Variants in CNNM4 observed in about 807,000 individuals in gnomAD.
The protein encoded by CNNM4 is metal transporter CNNM4.
In CNNM4, 32 loss-of-function variants were observed where a neutral mutation model predicts 53.7. That is an observed-to-expected ratio of 0.60 (90% CI 0.45 to 0.80). CNNM4 has a LOEUF of 0.80. Among genes scored for constraint, CNNM4 ranks in the 30% least tolerant of loss-of-function variants. The pLI, the probability that CNNM4 is intolerant of heterozygous loss-of-function variation, is 0.00. For synonymous variants in CNNM4, 410 were observed against 440.0 expected (o/e 0.93, Z 0.85); for missense variants, 784 against 1,022.0 (o/e 0.77, Z 3.17).
At chr2:96,762,930 C>T (rs979155337) in intron 1 of CNNM4, among the ~76,000 whole-genome samples, 1 of 152,010 alleles carries the variant, frequency 6.6e-6, no homozygotes, top group Non-Finnish European at 1.5e-5. Flanking sequence ...GGTATAGTGG[C>T]TCTGATGCTT....
chr2:96,775,350 T>C (rs1017648676), intron 1 of CNNM4, among the ~76,000 whole-genome samples: 3 of 152,208 alleles, frequency 2.0e-5, no homozygotes, highest in African/African-American at 7.2e-5. Flanking sequence ...TTCTGCTGAA[T>C]GTTAAGGGTC....
In CNNM4 at chr2:96,800,192, G is replaced by A. The variant is rs1413669123; in HGVS notation, c.1948+544G>A. Among the ~76,000 whole-genome samples the A allele has an allele frequency of 2.0e-5, 3 of 152,036 alleles. No homozygotes were observed. The highest frequency in any genetic ancestry group is 1.3e-4 in the Admixed American group (2 of 15,272). ...TGGGCACCCTCCGAGAGGTGTTATGGAAGGTCCGGGGATGCGCCACTCTGG... is the reference window on the plus strand; with the variant it reads ...TGGGCACCCTCCGAGAGGTGTTATGAAAGGTCCGGGGATGCGCCACTCTGG... On this transcript the variant is annotated intron_variant, in intron 5 of 6. Transcript: ENST00000377075. This position sits in a 1 kb window ranked among gnomAD's most constrained non-coding sequence, Gnocchi z 4.6.
rs533793055 is a variant in CNNM4 at position 96,801,879 on chromosome 2, C to T, written c.1948+2231C>T. Among the ~76,000 whole-genome samples, 598 of 151,696 alleles carry T rather than the reference C, an allele frequency of 3.9e-3. 8 individuals are homozygous for T. Among genetic ancestry groups the T allele is most frequent in the Admixed American group, 0.012 (181 of 15,234 alleles). On this transcript the variant is annotated intron_variant, in intron 5 of 6. Transcript: ENST00000377075. This position sits in a 1 kb window ranked among gnomAD's most constrained non-coding sequence, Gnocchi z 5.6. ...ACAGAGGCATACACAGAGAAACACC[C>T]GTAGACACACCAGGATACACATACA...
intron 1 of CNNM4, among the ~76,000 whole-genome samples, chr2:96,773,715 T>C (rs1417728232): frequency 6.6e-6 from 1 of 151,892 alleles, no homozygotes; most frequent in Non-Finnish European, 1.5e-5. Context: ...CGGTGGCGTG[T>C]GCCTGTAGTC....
At chr2:96,798,058 T>C (rs549633567) in intron 3 of CNNM4, among the ~76,000 whole-genome samples, 14 of 151,980 alleles carry the variant, frequency 9.2e-5, no homozygotes, top group Non-Finnish European at 1.9e-4. Flanking sequence ...GGTGGTGCCC[T>C]CCTGTAGTCC....
At chr2:96,809,186 G>C (rs949119890) in intron 6 of CNNM4, 134 bp from the exon 7 acceptor site, 1 of 1,534,446 alleles carries the variant, frequency 6.5e-7, no homozygotes, top group South Asian at 1.2e-5. Flanking sequence ...TTCTTTGTAA[G>C]GGCTTCCAGA....
chr2:96,768,894 A>G (rs1180453417), intron 1 of CNNM4, among the ~76,000 whole-genome samples: 1 of 152,220 alleles, frequency 6.6e-6, no homozygotes, highest in Non-Finnish European at 1.5e-5. Context: ...CTAGGCAGGC[A>G]TGCAGGGGAA....
In CNNM4 at chr2:96,761,653, G is replaced by T; in HGVS notation, c.654G>T (p.Gln218His). 1.2e-6 allele frequency: 2 copies of T among 1,612,814 alleles called. No homozygotes were observed. Reference sequence around the variant, plus strand: ...ACCCCATGGAGCTGCGCATCGTGCAGAACTGTGGCACCGAGAAGGAGAGGC... The same window carrying T: ...ACCCCATGGAGCTGCGCATCGTGCATAACTGTGGCACCGAGAAGGAGAGGC... Reference protein sequence around the residue: ...ALDPMELRIVQNCGTEKERRY... With the variant: ...ALDPMELRIVHNCGTEKERRY... Residue 218 changes from glutamine (Q) to histidine (H), a missense_variant, in exon 1 of 7, where the codon CAG (glutamine) becomes CAT (histidine). Coordinates refer to ENST00000377075, the MANE Select transcript of CNNM4 (RefSeq NM_020184.4). The surrounding 1 kb of genome is among the most constrained non-coding windows in gnomAD (Gnocchi z 6.0).
chr2:96,803,299 C>T (rs2079174495), intron 5 of CNNM4, among the ~76,000 whole-genome samples: 1 of 152,158 alleles, frequency 6.6e-6, no homozygotes, highest in Non-Finnish European at 1.5e-5. Context: ...ACGCTTTATG[C>T]ATATTCATGG....
intron 1 of CNNM4, among the ~76,000 whole-genome samples, chr2:96,780,234 T>C (rs1397100385): frequency 6.6e-6 from 1 of 152,180 alleles, no homozygotes; most frequent in Non-Finnish European, 1.5e-5. Context: ...TATTCCTAGT[T>C]ATTTGGTGAT....
In CNNM4 at chr2:96,801,673, C is replaced by G. The variant is rs564520637; in HGVS notation, c.1948+2025C>G. 6.5e-3 allele frequency among the ~76,000 whole-genome samples: 970 copies of G among 148,294 alleles called. 6 individuals are homozygous for G. The highest frequency in any genetic ancestry group is 0.024 in the African/African-American group (935 of 39,722). ...CAGAGAGACCACACACACACACACA[C>G]AGAGACCACACGCAGAGAGACCACA... On this transcript the variant is annotated intron_variant, in intron 5 of 6. Transcript: ENST00000377075. The surrounding 1 kb of genome is among the most constrained non-coding windows in gnomAD (Gnocchi z 5.6).
In CNNM4 at chr2:96,809,803, A is replaced by T. The variant is rs532504125; in HGVS notation, c.*286A>T. 87 of 346,688 alleles carry T rather than the reference A, an allele frequency of 2.5e-4. No individual in the cohort carries two copies. Among genetic ancestry groups the T allele is most frequent in the Non-Finnish European group, 3.6e-4 (69 of 190,610 alleles). The allele number at this position is 346,688 out of a possible 1,614,324, so 21.5% of individuals were successfully genotyped here. A position where few individuals can be genotyped will look rare whatever the true frequency, so the allele number is the denominator to read the frequency against. The stretch of plus-strand genomic sequence containing the variant: ...TAAAGTAGGCTCATCACTTTTTTTT[A>T]AATATCATTTTGGGAAGGGAAGACA... On this transcript the variant is annotated 3_prime_UTR_variant, in exon 7 of 7. Coordinates refer to ENST00000377075, the MANE Select transcript of CNNM4 (RefSeq NM_020184.4).
intron 1 of CNNM4, among the ~76,000 whole-genome samples, chr2:96,770,384 A>G (rs2153344772): frequency 6.6e-6 from 1 of 152,348 alleles, no homozygotes; most frequent in Middle Eastern, 3.4e-3. Context: ...GAATGGCCCT[A>G]CAGGATCAGC....
intron 1 of CNNM4, among the ~76,000 whole-genome samples, chr2:96,776,174 C>T (rs1014404877): frequency 1.3e-5 from 2 of 150,316 alleles, no homozygotes; most frequent in African/African-American, 2.5e-5. Flanking sequence ...GACCACAGGC[C>T]GCACACCACC....
intron 1 of CNNM4, among the ~76,000 whole-genome samples, chr2:96,795,446 A>G (rs923186374): frequency 7.9e-5 from 12 of 151,924 alleles, no homozygotes; most frequent in Non-Finnish European, 1.8e-4. Context: ...TACATATATC[A>G]TAGCCCCTGG....
chr2:96,796,131 CTTTTTTTTTTTTTTTTT>C (rs796494842), intron 1 of CNNM4, among the ~76,000 whole-genome samples: 5 of 50,684 alleles, frequency 9.9e-5, no homozygotes, highest in East Asian at 6.1e-4. Flanking sequence ...CAGACAGGGT[CTTTTTTTTTTTTTTTTT>C]TTTTTTTTTT....
chr2:96,782,238 C>T (rs2078981410), intron 1 of CNNM4, among the ~76,000 whole-genome samples: 1 of 151,726 alleles, frequency 6.6e-6, no homozygotes. Context: ...CCCAGAAGAC[C>T]CTGTCTTTAC....
rs1275039303 is a variant in CNNM4, at chr2:96,760,971, A to G, written c.-29A>G. On this transcript the variant is annotated 5_prime_UTR_variant, in exon 1 of 7. Coordinates refer to ENST00000377075, the MANE Select transcript of CNNM4 (RefSeq NM_020184.4). ...CGGGGCCGCGCGGCGTGGCGCGGGGAGCGGCGGCGGCGGCAGAGCCAGAGC... is the reference window on the plus strand; with the variant it reads ...CGGGGCCGCGCGGCGTGGCGCGGGGGGCGGCGGCGGCGGCAGAGCCAGAGC... 70 of 1,002,348 alleles carry G rather than the reference A, an allele frequency of 7.0e-5. No homozygotes were observed. The African/African-American group carries it at 1.2e-3, about 17-fold the overall frequency. 62.1% of individuals were successfully genotyped at this position (1,002,348 alleles called of 1,614,324 possible). A position where few individuals can be genotyped will look rare whatever the true frequency, so the allele number is the denominator to read the frequency against.
At chr2:96,769,808 CACCGG>C (rs2078852801) in intron 1 of CNNM4, among the ~76,000 whole-genome samples, 1 of 152,168 alleles carries the variant, frequency 6.6e-6, no homozygotes, top group Non-Finnish European at 1.5e-5. Context: ...GGCAGCTTTG[CACCGG>C]TTCTCCGTCA....
Sources: allele counts gnomAD v4.1 joint callset (sites outside exome capture counted in the v4.1 genomes callset), GRCh38; gene constraint gnomAD v4.1.1; non-coding constraint Gnocchi (gnomAD v3.1); transcripts MANE v1.5; gene names NCBI Gene and HGNC (gene_info 2026-07-23, HGNC 2026-07-21).